The following NEURL4 variants were observed in gnomAD, a reference collection of about 807,000 sequenced individuals.
The protein encoded by NEURL4 is neuralized E3 ubiquitin protein ligase 4, also known as neuralized-like protein 4.
Under a neutral mutation model 148.0 loss-of-function variants are expected in NEURL4, and 45 were observed. That is an observed-to-expected ratio of 0.30 (90% confidence interval 0.24 to 0.39). The LOEUF (loss-of-function observed/expected upper bound fraction) is 0.39. NEURL4 is among the 10% of genes least tolerant of loss of function. The probability of loss-of-function intolerance (pLI) is 1.00; values close to 1 mark genes in which losing one functional copy is unlikely to be tolerated. For missense variants in NEURL4, 1,776 were observed against 2,144.0 expected (o/e 0.83, Z 3.39); for synonymous variants, 854 against 869.0 (o/e 0.98, Z 0.30).
chr17:7,317,891 A>G lies in NEURL4; in HGVS notation c.4102T>C (p.Cys1368Arg). 1 of 1,614,212 alleles carries G rather than the reference A, an allele frequency of 6.2e-7. No homozygotes were observed. The highest frequency in any genetic ancestry group is 8.5e-7 in the Non-Finnish European group (1 of 1,180,032). The change falls in exon 26 of 29, where the codon TGT becomes CGT. Residue 1368 changes from cysteine to arginine, a missense_variant. Physicochemically the swap from Cys to Arg is radical, Grantham distance 180. Transcript: ENST00000399464. ...MPPPKRSLCY[C>R]ESCRKLRGDE... ...CCTCGCAGCTTCCGGCAAGACTCAC[A>G]GTAGCACAGGCTTCGCTTTGGCGGA... is the stretch of plus-strand genomic sequence containing the variant.
chr17:7,318,824 C>T lies in NEURL4; in HGVS notation c.3685-150G>A. On this transcript the variant is annotated intron_variant, in intron 22 of 28. Transcript: ENST00000399464. The surrounding 1 kb of genome is among the most constrained non-coding windows in gnomAD (Gnocchi z 4.3). ...CTCCTCCCACTGCAGTTACCTAGAG[C>T]CCCTCCCCTTCCCCAAAACTGGCAC... 1.0e-6 allele frequency: 1 copy of T among 979,508 alleles called. No homozygotes were observed. Among genetic ancestry groups the T allele is most frequent in the Non-Finnish European group, 1.5e-6 (1 of 673,826 alleles). 60.7% of individuals were successfully genotyped at this position (979,508 alleles called of 1,614,324 possible). A position where few individuals can be genotyped will look rare whatever the true frequency, so the allele number is the denominator to read the frequency against.
Position 7,327,203 on chromosome 17 carries a change from C to T in NEURL4, c.755G>A (p.Arg252Gln), listed in dbSNP as rs754041707. The T allele has an allele frequency of 3.1e-5, 50 of 1,611,946 alleles. No homozygotes were observed. The highest frequency in any genetic ancestry group is 4.0e-5 in the African/African-American group (3 of 75,016). The change falls in exon 3 of 29, where the codon CGG (arginine) becomes CAG (glutamine). Residue 252 changes from arginine to glutamine, a missense_variant. By Grantham distance (43) the Arg-to-Gln change is conservative. Transcript: ENST00000399464. This position sits in a 1 kb window ranked among gnomAD's most constrained non-coding sequence, Gnocchi z 6.6. ...EAFMVSPAQARPETFPNSLES... is the reference protein window; with the variant it reads ...EAFMVSPAQAQPETFPNSLES... ...AAGGCTGTTAGGAAACGTCTCCGGC[C>T]GGGCCTGCGCTGGGGACACCATGAA...
Position 7,321,406 on chromosome 17 carries a change from C to G in NEURL4, c.3153G>C (p.Leu1051=), listed in dbSNP as rs368048790. 2.0e-5 allele frequency: 33 copies of G among 1,614,056 alleles called. No individual in the cohort carries two copies. In the African/African-American group the frequency reaches 4.1e-4, roughly 20 times the overall value. ...RRGADDTMHI[L]VDGEDMGPAA... ...CAGGCCCCATATCCTCTCCATCCAC[C>G]AGGATGTGCATCGTGTCATCTGCCC... Residue 1051 remains leucine, a synonymous_variant, in exon 19 of 29, where the codon CTG becomes CTC. Coordinates refer to ENST00000399464, the MANE Select transcript of NEURL4 (RefSeq NM_032442.3). This position sits in a 1 kb window ranked among gnomAD's most constrained non-coding sequence, Gnocchi z 6.3.
Position 7,326,389 on chromosome 17 carries a change from C to T in NEURL4, c.1205-46G>A, listed in dbSNP as rs779687040. ...GGGTTCGGGTACGGGGCTTCCTTCC[C>T]CTCAGCAACACCAGGCCTGCACCCC... is the stretch of plus-strand genomic sequence containing the variant. On this transcript the variant is annotated intron_variant, in intron 5 of 28. Transcript: ENST00000399464. This position sits in a 1 kb window ranked among gnomAD's most constrained non-coding sequence, Gnocchi z 6.0. 11 of 1,613,554 alleles carry T rather than the reference C, an allele frequency of 6.8e-6. No homozygotes were observed. The highest frequency in any genetic ancestry group is 2.5e-6 in the Non-Finnish European group (3 of 1,179,596).
intron 21 of NEURL4, among the ~76,000 whole-genome samples, chr17:7,320,031 C>A (rs983087188): frequency 6.6e-6 from 1 of 151,154 alleles, no homozygotes; most frequent in Non-Finnish European, 1.5e-5. Context: ...GGGGTTTCAC[C>A]GTGTTAGCCA....
chr17:7,322,080 A>G lies in NEURL4; in HGVS notation c.2726-70T>C. 1 of 1,507,660 alleles carries G rather than the reference A, an allele frequency of 6.6e-7. No individual in the cohort carries two copies. 93.4% of individuals were successfully genotyped at this position (1,507,660 alleles called of 1,614,324 possible). Reference sequence around the variant, plus strand: ...GAGCTTCAGGCAGAACACAGAGCAAAGCTTTCAGATGAAACGAAATGGGGA... The same window carrying G: ...GAGCTTCAGGCAGAACACAGAGCAAGGCTTTCAGATGAAACGAAATGGGGA... On this transcript the variant is annotated intron_variant, in intron 16 of 28. Transcript: ENST00000399464. This position sits in a 1 kb window ranked among gnomAD's most constrained non-coding sequence, Gnocchi z 5.5.
At chr17:7,325,146 C>CGGGGGGGGGG in intron 8 of NEURL4, 63 bp downstream of exon 8, 1 of 401,122 alleles carries the variant, frequency 2.5e-6, no homozygotes, top group East Asian at 6.0e-5. Context: ...CACTTCCTTG[C>CGGGGGGGGGG]CCCGCCCCCC....
intron 1 of NEURL4, 54 bp downstream of exon 1, chr17:7,328,977 C>G (rs71370491): frequency 9.5e-6 from 14 of 1,477,830 alleles, no homozygotes; most frequent in Non-Finnish European, 1.3e-5. Flanking sequence ...CCGTCTCCCT[C>G]TAGACGCCTC....
At position 7,326,216 on chromosome 17, in the gene NEURL4, CT is replaced by C; in HGVS notation, c.1293+38del. ...GCAGGGACACAGAGTACCTGTGGCT[CT>C]GCTGAAAGCGGCCCAGGGATCTGTG... On this transcript the variant is annotated intron_variant, in intron 6 of 28. Coordinates refer to ENST00000399464, the MANE Select transcript of NEURL4 (RefSeq NM_032442.3). The surrounding 1 kb of genome is among the most constrained non-coding windows in gnomAD (Gnocchi z 6.0). The C allele has an allele frequency of 6.3e-7, 1 of 1,596,142 alleles. No homozygotes were observed. The highest frequency in any genetic ancestry group is 8.6e-7 in the Non-Finnish European group (1 of 1,166,496).
chr17:7,328,047 T>G (rs1348002649), intron 1 of NEURL4, among the ~76,000 whole-genome samples, 163 bp from the exon 2 acceptor site: 1 of 152,354 alleles, frequency 6.6e-6, no homozygotes, highest in African/African-American at 2.4e-5. Flanking sequence ...GGTAATTATT[T>G]GGGCTTTCCT....
Position 7,318,297 on chromosome 17 carries a change from C to T in NEURL4, c.3924G>A (p.Gly1308=), listed in dbSNP as rs1405367999. Residue 1308 remains glycine (G), a synonymous_variant, in exon 24 of 29, where the codon GGG becomes GGA. Coordinates refer to ENST00000399464, the MANE Select transcript of NEURL4 (RefSeq NM_032442.3). The surrounding 1 kb of genome is among the most constrained non-coding windows in gnomAD (Gnocchi z 4.3). Reference sequence around the variant, plus strand: ...CCACCATGTCTGCTTTCTCCATGTCCCCTTGGGTTCCAGCACTTTTCCCAC... The same window carrying T: ...CCACCATGTCTGCTTTCTCCATGTCTCCTTGGGTTCCAGCACTTTTCCCAC... ...AASGKSAGTQ[G]DMEKADMVDG... The T allele has an allele frequency of 6.2e-7, 1 of 1,614,132 alleles. No individual in the cohort carries two copies. The highest frequency in any genetic ancestry group is 8.5e-7 in the Non-Finnish European group (1 of 1,180,014).
At chr17:7,325,161 C>CTA (rs1567622315) in intron 8 of NEURL4, 48 bp downstream of exon 8, 2 of 824,776 alleles carry the variant, frequency 2.4e-6, no homozygotes, top group South Asian at 1.4e-5. Context: ...CCCCCCCCCC[C>CTA]CCATTAGAAT....
In NEURL4 at chr17:7,322,403, C is replaced by T. The variant is rs1384444294; in HGVS notation, c.2725+332G>A. On this transcript the variant is annotated intron_variant, in intron 16 of 28. Transcript: ENST00000399464. The surrounding 1 kb of genome is among the most constrained non-coding windows in gnomAD (Gnocchi z 5.5). Reference sequence around the variant, plus strand: ...AAACTCTTGTGCTCGAGAGATCCACCTGCCTTGAACTCCCAAAGTGCTGGG... The same window carrying T: ...AAACTCTTGTGCTCGAGAGATCCACTTGCCTTGAACTCCCAAAGTGCTGGG... 3.3e-5 allele frequency among the ~76,000 whole-genome samples: 5 copies of T among 152,212 alleles called. No individual in the cohort carries two copies. The highest frequency in any genetic ancestry group is 1.2e-4 in the African/African-American group (5 of 41,450).
At chr17:7,328,884 C>T (rs1005847225) in intron 1 of NEURL4, 147 bp downstream of exon 1, 2 of 685,936 alleles carry the variant, frequency 2.9e-6, no homozygotes, top group Non-Finnish European at 2.2e-6. Flanking sequence ...TTCATGCTGT[C>T]TTCCTGACCG....
At position 7,321,394 on chromosome 17, in the gene NEURL4, C is replaced by T. The variant is rs749841363; in HGVS notation, c.3165G>A (p.Glu1055=). The change falls in exon 19 of 29, where the codon GAG becomes GAA. Residue 1055 remains glutamate, a synonymous_variant. Transcript: ENST00000399464. The surrounding 1 kb of genome is among the most constrained non-coding windows in gnomAD (Gnocchi z 6.3). The part of the protein sequence containing the change: ...DDTMHILVDG[E]DMGPAATGIA... ...TGCCAGTGGCTGCAGGCCCCATATCCTCTCCATCCACCAGGATGTGCATCG... is the reference window on the plus strand; with the variant it reads ...TGCCAGTGGCTGCAGGCCCCATATCTTCTCCATCCACCAGGATGTGCATCG... 1.2e-6 allele frequency: 2 copies of T among 1,614,052 alleles called. No individual in the cohort carries two copies. The highest frequency in any genetic ancestry group is 1.3e-5 in the African/African-American group (1 of 74,910).
At chr17:7,319,874 G>A (rs2073006980) in intron 21 of NEURL4, among the ~76,000 whole-genome samples, 1 of 151,818 alleles carries the variant, frequency 6.6e-6, no homozygotes, top group East Asian at 1.9e-4. Flanking sequence ...CTGTTGCCCA[G>A]GCTGGAGTGC....
chr17:7,327,226 G>T lies in NEURL4; in HGVS notation c.732C>A (p.Phe244Leu). The T allele has an allele frequency of 6.2e-7, 1 of 1,609,420 alleles. No individual in the cohort carries two copies. The stretch of plus-strand genomic sequence containing the variant: ...GCCGGGCCTGCGCTGGGGACACCAT[G>T]AAGGCTGGGGACCAGGTGGGATGGG... Reference protein sequence around the residue: ...AEQGTSADEAFMVSPAQARPE... With the variant: ...AEQGTSADEALMVSPAQARPE... The change falls in exon 3 of 29, where the codon TTC (phenylalanine) becomes TTA (leucine). Residue 244 changes from phenylalanine to leucine, a missense_variant. Physicochemically the swap from Phe to Leu is conservative, Grantham distance 22. Coordinates refer to ENST00000399464, the MANE Select transcript of NEURL4 (RefSeq NM_032442.3). This position sits in a 1 kb window ranked among gnomAD's most constrained non-coding sequence, Gnocchi z 6.6.
intron 28 of NEURL4, among the ~76,000 whole-genome samples, chr17:7,316,787 T>G (rs2072952577): frequency 6.6e-6 from 1 of 152,072 alleles, no homozygotes; most frequent in South Asian, 2.1e-4. Flanking sequence ...CCGGGCTTGG[T>G]GGTGCGTGCC....
At position 7,315,994 on chromosome 17, in the gene NEURL4, C is replaced by T. The variant is rs936426446; in HGVS notation, c.*129G>A. 8.9e-6 allele frequency: 6 copies of T among 674,938 alleles called. No homozygotes were observed. Among genetic ancestry groups the T allele is most frequent in the Admixed American group, 2.1e-5 (1 of 46,766 alleles). The allele number at this position is 674,938 out of a possible 1,614,324, so 41.8% of individuals were successfully genotyped here. A position where few individuals can be genotyped will look rare whatever the true frequency, so the allele number is the denominator to read the frequency against. ...CTACATCTGAGAGCCTGCCTACATG[C>T]TCCTGCGCGGCTGCCAAGCTCCAGC... On this transcript the variant is annotated 3_prime_UTR_variant, in exon 29 of 29. Transcript: ENST00000399464.
Sources: gnomAD v4.1 joint callset for allele counts (sites outside exome capture counted in the v4.1 genomes callset) on GRCh38, gnomAD v4.1.1 for gene constraint, Gnocchi (gnomAD v3.1) non-coding constraint, MANE v1.5 for transcripts, NCBI Gene and HGNC (gene_info 2026-07-23, HGNC 2026-07-21) for gene names.